CTNNA2: variants seen among roughly 807,000 people sequenced by gnomAD.
The protein encoded by CTNNA2 is catenin alpha 2, also known as catenin alpha-2.
A neutral mutation model predicts 101.0 loss-of-function variants in CTNNA2; 42 were observed. That is an observed-to-expected ratio of 0.42 (90% CI 0.32 to 0.54). The LOEUF is 0.54. Among genes scored for constraint, CTNNA2 ranks in the 20% least tolerant of loss-of-function variants. CTNNA2 has a pLI of 0.14. For synonymous variants in CTNNA2, 450 were observed against 456.4 expected, an observed-to-expected ratio of 0.99 and a Z score of 0.18; for missense variants, 871 against 1,223.1, an observed-to-expected ratio of 0.71 and a Z score of 4.29.
chr2:79,478,926 C>A (rs1201889034), intron 4 of CTNNA2, among the ~76,000 whole-genome samples: 1 of 152,170 alleles, frequency 6.6e-6, no homozygotes, highest in African/African-American at 2.4e-5. Context: ...TCATTTCCAC[C>A]ACTGGAGCAG....
chr2:79,592,357 C>G (rs911718580), intron 1 of CTNNA2, among the ~76,000 whole-genome samples: 12 of 152,118 alleles, frequency 7.9e-5, no homozygotes, highest in African/African-American at 2.9e-4. Context: ...ATCTCGAACT[C>G]CTGACCTCAG....
intron 9 of CTNNA2, among the ~76,000 whole-genome samples, chr2:80,540,096 CT>C (rs1433835000): frequency 5.9e-5 from 9 of 152,110 alleles, no homozygotes; most frequent in African/African-American, 2.2e-4. Context: ...ATATTGTCTG[CT>C]TTTTCACTCA....
At chr2:79,813,374 G>T (rs369968709) in intron 3 of CTNNA2, among the ~76,000 whole-genome samples, 9 of 152,254 alleles carry the variant, frequency 5.9e-5, no homozygotes, top group African/African-American at 2.2e-4. Flanking sequence ...ACAGGCCTAG[G>T]TCAGTGACAG....
At chr2:79,901,488 A>T (rs1473842320) in intron 6 of CTNNA2, among the ~76,000 whole-genome samples, 1 of 152,180 alleles carries the variant, frequency 6.6e-6, no homozygotes, top group Admixed American at 6.5e-5. Context: ...TCATACCACT[A>T]GCATTTGCAT....
At chr2:80,080,948 TAAAAAA>T (rs79785271) in intron 7 of CTNNA2, among the ~76,000 whole-genome samples, 14 of 87,588 alleles carry the variant, frequency 1.6e-4, no homozygotes, top group African/African-American at 4.3e-4. Flanking sequence ...TTCTCCCACT[TAAAAAA>T]AAAAAAAAAA....
intron 1 of CTNNA2, among the ~76,000 whole-genome samples, chr2:79,525,621 T>C (rs1028633463): frequency 3.3e-5 from 5 of 152,034 alleles, no homozygotes; most frequent in African/African-American, 1.2e-4. Flanking sequence ...CAATTACTTT[T>C]GTACCAACCT....
At chr2:79,609,664 T>G (rs1678137962) in intron 1 of CTNNA2, among the ~76,000 whole-genome samples, 2 of 152,132 alleles carry the variant, frequency 1.3e-5, no homozygotes, top group African/African-American at 4.8e-5. Flanking sequence ...AACTGATCTT[T>G]GAGAAAGGTG....
intron 7 of CTNNA2, among the ~76,000 whole-genome samples, chr2:79,977,703 GCTTTTTAA>G (rs1690969476): frequency 6.6e-6 from 1 of 151,900 alleles, no homozygotes; most frequent in African/African-American, 2.4e-5. Flanking sequence ...AAAATATAAC[GCTTTTTAA>G]AAAATCTTAA....
chr2:79,686,485 A>G (rs745466859), intron 2 of CTNNA2, among the ~76,000 whole-genome samples: 1 of 152,202 alleles, frequency 6.6e-6, no homozygotes, highest in East Asian at 1.9e-4. Flanking sequence ...GTTAATGATA[A>G]TTGAATTTCT....
At chr2:79,296,030 C>T (rs1242924929) in intron 2 of CTNNA2, among the ~76,000 whole-genome samples, 1 of 151,666 alleles carries the variant, frequency 6.6e-6, no homozygotes, top group East Asian at 1.9e-4. Context: ...CTTTTTTCTG[C>T]CTCATTCCTA....
chr2:79,983,000 A>G (rs1691494555), intron 7 of CTNNA2, among the ~76,000 whole-genome samples: 1 of 151,904 alleles, frequency 6.6e-6, no homozygotes, highest in South Asian at 2.1e-4. Flanking sequence ...GGGTCTCTCT[A>G]TCAAATAATT....
chr2:79,522,101 A>G (rs988148804), intron 1 of CTNNA2, among the ~76,000 whole-genome samples: 11 of 152,280 alleles, frequency 7.2e-5, no homozygotes, highest in African/African-American at 2.6e-4. Flanking sequence ...CAAAACAGTA[A>G]TTATTTTCTA....
intron 2 of CTNNA2, among the ~76,000 whole-genome samples, chr2:79,265,710 A>G (rs1674978647): frequency 6.6e-6 from 1 of 152,176 alleles, no homozygotes; most frequent in South Asian, 2.1e-4. Context: ...AGGTAATAAG[A>G]AGGAAAATTA....
At chr2:80,027,972 C>CAAAAAAAAAAAAAAAA (rs1177032489) in intron 7 of CTNNA2, 1 of 19,836 alleles carries the variant, frequency 5.0e-5, no homozygotes, top group African/African-American at 1.6e-4. Flanking sequence ...GACCCTGTCT[C>CAAAAAAAAAAAAAAAA]AAAAAAAAAA....
At chr2:79,241,143 T>C (rs1213570740) in intron 2 of CTNNA2, among the ~76,000 whole-genome samples, 2 of 152,242 alleles carry the variant, frequency 1.3e-5, no homozygotes, top group Admixed American at 1.3e-4. Context: ...TGATCCATTG[T>C]ATTCATTATT....
At chr2:80,271,874 A>G (rs1673516844) in intron 7 of CTNNA2, among the ~76,000 whole-genome samples, 1 of 152,188 alleles carries the variant, frequency 6.6e-6, no homozygotes, top group Non-Finnish European at 1.5e-5. Context: ...AAAACAAGAC[A>G]ATTTAAAGCC....
At chr2:80,224,799 G>A (rs1708778825) in intron 7 of CTNNA2, among the ~76,000 whole-genome samples, 1 of 151,950 alleles carries the variant, frequency 6.6e-6, no homozygotes, top group Non-Finnish European at 1.5e-5. Context: ...TAAACTATTA[G>A]GCCCTCTTCA....
At chr2:79,647,810 G>A (rs1373934871) in intron 1 of CTNNA2, among the ~76,000 whole-genome samples, 7 of 152,312 alleles carry the variant, frequency 4.6e-5, no homozygotes, top group African/African-American at 1.7e-4. Flanking sequence ...TTGATGGTTT[G>A]GTTGGGAGTT....
chr2:80,246,364 A>G (rs1671331299), intron 7 of CTNNA2, among the ~76,000 whole-genome samples: 1 of 152,230 alleles, frequency 6.6e-6, no homozygotes, highest in Non-Finnish European at 1.5e-5. Flanking sequence ...TAGTGCACAT[A>G]CAATTGTATT....
Sources: gnomAD v4.1 joint callset for allele counts (sites outside exome capture counted in the v4.1 genomes callset) on GRCh38, gnomAD v4.1.1 for gene constraint, MANE v1.5 for transcripts, NCBI Gene and HGNC (gene_info 2026-07-23, HGNC 2026-07-21) for gene names.